The following TMEM182 variants were observed in gnomAD, a reference collection of about 807,000 sequenced individuals.
TMEM182 encodes transmembrane protein 182.
A neutral mutation model predicts 26.8 loss-of-function variants in TMEM182; 20 were observed. That is an observed-to-expected ratio of 0.75 (90% CI 0.53 to 1.09). The LOEUF is 1.09. Among genes scored for constraint, TMEM182 ranks in the 50% least tolerant of loss-of-function variants. The probability of loss-of-function intolerance (pLI) is 0.00; values close to 1 mark genes in which losing one functional copy is unlikely to be tolerated. For synonymous variants in TMEM182, 109 were observed against 102.2 expected (o/e 1.07, Z -0.40); for missense variants, 277 against 275.5 (o/e 1.01, Z -0.04).
intron 1 of TMEM182, among the ~76,000 whole-genome samples, chr2:102,746,574 C>T (rs1679703606): frequency 1.3e-5 from 2 of 152,002 alleles, no homozygotes. Flanking sequence ...AAATTTAGGT[C>T]TCTGATCCCC....
intron 1 of TMEM182, among the ~76,000 whole-genome samples, chr2:102,737,223 C>T (rs1679379376): frequency 6.6e-6 from 1 of 152,164 alleles, no homozygotes; most frequent in African/African-American, 2.4e-5. Flanking sequence ...GATACGTTAA[C>T]GTGGCTCTCC....
intron 3 of TMEM182, among the ~76,000 whole-genome samples, chr2:102,774,849 ATTAT>A (rs1319559149): frequency 6.6e-6 from 1 of 151,978 alleles, no homozygotes; most frequent in Non-Finnish European, 1.5e-5. Context: ...CATCAGTTTA[ATTAT>A]TTATCTATCT....
chr2:102,766,574 G>T (rs1006399579), intron 3 of TMEM182, among the ~76,000 whole-genome samples: 11 of 152,050 alleles, frequency 7.2e-5, no homozygotes, highest in South Asian at 2.1e-4. Flanking sequence ...TAAATTTGGG[G>T]TTTTTTTGTT....
rs1042136753 is a variant in TMEM182, at chr2:102,756,899, C to T, written c.-82-1490C>T. 3.3e-5 allele frequency among the ~76,000 whole-genome samples: 5 copies of T among 152,026 alleles called. No individual in the cohort carries two copies. In the East Asian group the frequency reaches 9.7e-4, roughly 30 times the overall value. ...CATGATCTTAGCTCACTGCAACCTC[C>T]ACCTCCGGGGTTGAAGCAATTCTCT... On this transcript the variant is annotated intron_variant, in intron 1 of 5. Transcript: ENST00000409173.
At chr2:102,745,118 TTTTC>T (rs899546529) in intron 1 of TMEM182, among the ~76,000 whole-genome samples, 2 of 151,992 alleles carry the variant, frequency 1.3e-5, no homozygotes, top group African/African-American at 4.8e-5. Context: ...CCTCACTCTT[TTTTC>T]TTTATGTTTT....
Position 102,762,686 on chromosome 2 carries a change from A to G in TMEM182, c.232A>G (p.Thr78Ala). The G allele has an allele frequency of 1.2e-6, 2 of 1,611,366 alleles. No individual in the cohort carries two copies. Among genetic ancestry groups the G allele is most frequent in the Non-Finnish European group, 1.7e-6 (2 of 1,178,154 alleles). The part of the protein sequence containing the change: ...NDSNIWKFWY[T>A]NQPPSKNCTH... ...CTCCAATATTTGGAAGTTCTGGTAC[A>G]GTAAGTACAATTTAGCTTTATTTTC... Residue 78 changes from threonine to alanine, a missense_variant and splice_region_variant, in exon 2 of 5, where the codon ACC becomes GCC. By Grantham distance (58) the Thr-to-Ala change is moderately conservative (BLOSUM62 0). Transcript: ENST00000412401.
chr2:102,774,705 A>C (rs1213857511), intron 3 of TMEM182, among the ~76,000 whole-genome samples: 6 of 152,142 alleles, frequency 3.9e-5, no homozygotes, highest in Non-Finnish European at 8.8e-5. Flanking sequence ...CCTTTGTTAA[A>C]AAGACTGTCC....
Position 102,815,760 on chromosome 2 carries a change from G to C in TMEM182, c.*792G>C. ...TGTAAAAACCAAGCATTTCCGCTTG[G>C]TCCATAATTCTATTTGATATTTTAA... On this transcript the variant is annotated 3_prime_UTR_variant, in exon 5 of 5. Coordinates refer to ENST00000412401, the MANE Select transcript of TMEM182 (RefSeq NM_144632.5). 1.1e-6 allele frequency: 1 copy of C among 938,486 alleles called. No individual in the cohort carries two copies. The highest frequency in any genetic ancestry group is 4.9e-5 in the South Asian group (1 of 20,258). The allele number at this position is 938,486 out of a possible 1,614,324, so 58.1% of individuals were successfully genotyped here.
intron 3 of TMEM182, among the ~76,000 whole-genome samples, chr2:102,771,708 T>G (rs2540289): frequency 0.49 from 74,633 of 151,844 alleles, 19,330 homozygotes; most frequent in African/African-American, 0.66. Context: ...GAAAATGCCT[T>G]CCACACTTAG....
chr2:102,838,426 G>T (rs905757670), intron 3 of TMEM182, among the ~76,000 whole-genome samples: 1 of 152,170 alleles, frequency 6.6e-6, no homozygotes. Context: ...GCATAAAATG[G>T]TACCGATGTG....
intron 1 of TMEM182, among the ~76,000 whole-genome samples, chr2:102,739,334 A>G (rs549992993): frequency 1.3e-5 from 2 of 152,300 alleles, no homozygotes; most frequent in South Asian, 4.1e-4. Flanking sequence ...TGAATACCCC[A>G]AGCTCAGTGT....
At chr2:102,802,016 T>G (rs981667709) in intron 4 of TMEM182, among the ~76,000 whole-genome samples, 19 of 152,222 alleles carry the variant, frequency 1.2e-4, no homozygotes, top group Non-Finnish European at 2.5e-4. Flanking sequence ...CTCTTGAGGC[T>G]TCCATGCCAA....
At chr2:102,777,274 G>A (rs546037516) in intron 3 of TMEM182, among the ~76,000 whole-genome samples, 3 of 152,010 alleles carry the variant, frequency 2.0e-5, no homozygotes, top group East Asian at 1.9e-4. Flanking sequence ...TTATGGTTTA[G>A]CATTTTACAT....
At chr2:102,835,691 TATTTA>T (rs1464797513) in intron 3 of TMEM182, among the ~76,000 whole-genome samples, 6 of 152,138 alleles carry the variant, frequency 3.9e-5, no homozygotes, top group African/African-American at 9.6e-5. Flanking sequence ...TTTTTAAATT[TATTTA>T]ATTTATTTTA....
rs1573570440 is a variant in TMEM182 at position 102,817,401 on chromosome 2, C to T, written c.*2433C>T. Reference sequence around the variant, plus strand: ...AATAAAAAGGGCAGTGAGTTATGCTCTTGGACTTGGTGAAAGCTATCATCT... The same window carrying T: ...AATAAAAAGGGCAGTGAGTTATGCTTTTGGACTTGGTGAAAGCTATCATCT... On this transcript the variant is annotated 3_prime_UTR_variant, in exon 5 of 5. Transcript: ENST00000412401. 1 of 985,392 alleles carries T rather than the reference C, an allele frequency of 1.0e-6. No homozygotes were observed. Among genetic ancestry groups the T allele is most frequent in the Non-Finnish European group, 1.2e-6 (1 of 829,920 alleles). 61.0% of individuals were successfully genotyped at this position (985,392 alleles called of 1,614,324 possible).
At chr2:102,837,535 TG>T (rs934604116) in intron 3 of TMEM182, among the ~76,000 whole-genome samples, 1 of 4,676 alleles carries the variant, frequency 2.1e-4, no homozygotes, top group Non-Finnish European at 4.3e-4. Flanking sequence ...GTCAGTGCTG[TG>T]GGGGGTTCGG....
chr2:102,758,543 T>G (rs948877408), upstream of TMEM182: 1 of 714,786 alleles, frequency 1.4e-6, no homozygotes, highest in African/African-American at 1.8e-5. Context: ...TTTGAAAACA[T>G]CTGTACAGGA....
chr2:102,827,057 G>A (rs563494868), intron 3 of TMEM182, among the ~76,000 whole-genome samples: 3 of 152,288 alleles, frequency 2.0e-5, no homozygotes, highest in East Asian at 3.9e-4. Flanking sequence ...CCTTTGAAAC[G>A]GGTCGCTCTC....
At chr2:102,840,457 GA>G (rs1365067978) in intron 3 of TMEM182, among the ~76,000 whole-genome samples, 1 of 152,108 alleles carries the variant, frequency 6.6e-6, no homozygotes, top group African/African-American at 2.4e-5. Flanking sequence ...ATTGTTCTCC[GA>G]AGGGCCCCTC....
Sources: gnomAD v4.1 joint callset for allele counts (sites outside exome capture counted in the v4.1 genomes callset) on GRCh38, gnomAD v4.1.1 for gene constraint, MANE v1.5 for transcripts, NCBI Gene and HGNC (gene_info 2026-07-23, HGNC 2026-07-21) for gene names.